The following DMD variants were observed in gnomAD, a reference collection of about 807,000 sequenced individuals.
The protein encoded by DMD is dystrophin.
A neutral mutation model predicts 330.1 loss-of-function variants in DMD; 63 were observed. The ratio of observed to expected loss-of-function variants is 0.19; its 90% CI spans 0.16 to 0.24. The LOEUF is 0.24. DMD is among the 10% of genes least tolerant of loss of function. DMD has a pLI of 1.00. For synonymous variants in DMD, 1,223 were observed against 959.8 expected (o/e 1.27, Z -5.07); for missense variants, 3,344 against 2,684.1 (o/e 1.25, Z -5.43).
chrX:31,497,121 G>A (rs1279813435), intron 56 of DMD, among the ~76,000 whole-genome samples, 177 bp from the exon 57 acceptor site: 2 of 112,483 alleles, frequency 1.8e-5, no homozygotes, highest in Non-Finnish European at 3.8e-5. Flanking sequence ...TGGCAATTTT[G>A]AGAAAAGGCA....
At chrX:33,033,329 CTCAGTGTACA>C (rs1229844625) in intron 1 of DMD, among the ~76,000 whole-genome samples, 3 of 108,940 alleles carry the variant, frequency 2.8e-5, no homozygotes, top group Admixed American at 2.0e-4. Context: ...GAACACGTCC[CTCAGTGTACA>C]TTGCCAATAG....
At chrX:32,012,701 G>A (rs1461423106) in intron 44 of DMD, among the ~76,000 whole-genome samples, 1 of 111,422 alleles carries the variant, frequency 9.0e-6, no homozygotes, top group Non-Finnish European at 1.9e-5. Context: ...CCCTTTTACT[G>A]GGATAGGACA....
chrX:32,645,663 GA>G (rs993990901), intron 9 of DMD, among the ~76,000 whole-genome samples: 10 of 110,777 alleles, frequency 9.0e-5, no homozygotes, highest in African/African-American at 2.3e-4. Flanking sequence ...AATTTAGAAA[GA>G]AAAAAAATAC....
At position 32,485,734 on chromosome X, in the gene DMD, CTTTT is replaced by C. The variant is rs5902034; in HGVS notation, c.2623-639_2623-636del. ...CTCCTGACCAAACAGGCAACCACTG[CTTTT>C]TTTTTTTTTTTTTTTTTTTTTTGGG... On this transcript the variant is annotated intron_variant, in intron 20 of 78. Coordinates refer to ENST00000357033, the MANE Select transcript of DMD (RefSeq NM_004006.3). Among the ~76,000 whole-genome samples, 35 of 36,155 alleles carry C rather than the reference CTTTT, an allele frequency of 9.7e-4. No homozygotes were observed. The East Asian group carries it at 0.019, about 20-fold the overall frequency. 31.4% of individuals were successfully genotyped at this position (36,155 alleles called of 115,157 possible). A position where few individuals can be genotyped will look rare whatever the true frequency, so the allele number is the denominator to read the frequency against.
At position 31,594,506 on chromosome X, in the gene DMD, T is replaced by C. The variant is rs1167436842; in HGVS notation, c.8217+33167A>G. ...TTGTTTGAATGCTTAAGATGCTTAA[T>C]GTGTTTTGTAATACAGTATACTAAA... On this transcript the variant is annotated intron_variant, in intron 55 of 78. Coordinates refer to ENST00000357033, the MANE Select transcript of DMD (RefSeq NM_004006.3). 2.7e-5 allele frequency among the ~76,000 whole-genome samples: 3 copies of C among 111,701 alleles called. 1 individual carries two copies. Among genetic ancestry groups the C allele is most frequent in the African/African-American group, 9.7e-5 (3 of 30,850 alleles).
At chrX:32,915,404 TTG>T (rs2087704611) in intron 2 of DMD, among the ~76,000 whole-genome samples, 1 of 112,338 alleles carries the variant, frequency 8.9e-6, no homozygotes, top group Admixed American at 9.5e-5. Flanking sequence ...CGCTTACATT[TTG>T]TGATTCAGAC....
chrX:32,615,034 C>CAT (rs2057454370), intron 11 of DMD, among the ~76,000 whole-genome samples: 1 of 110,938 alleles, frequency 9.0e-6, no homozygotes, highest in Non-Finnish European at 1.9e-5. Context: ...CATTAGAGAC[C>CAT]ATATAGGAGT....
intron 55 of DMD, among the ~76,000 whole-genome samples, chrX:31,569,652 A>ATATATATG (rs1556698909): frequency 2.1e-5 from 2 of 93,207 alleles, no homozygotes; most frequent in Non-Finnish European, 4.2e-5. Flanking sequence ...GTATATACGT[A>ATATATATG]TATATACGTA....
Position 33,121,355 on chromosome X carries a change from C to T in DMD, c.31+89927G>A, listed in dbSNP as rs754900823. On this transcript the variant is annotated intron_variant, in intron 1 of 78. Transcript: ENST00000357033. Reference sequence around the variant, plus strand: ...AAGTGATTCTCCTGCCTCAGCCTCCCTAGTAGCTGGGACTACAGGCGCATG... The same window carrying T: ...AAGTGATTCTCCTGCCTCAGCCTCCTTAGTAGCTGGGACTACAGGCGCATG... Among the ~76,000 whole-genome samples the T allele has an allele frequency of 1.1e-4, 12 of 109,918 alleles. No homozygotes were observed. In the South Asian group the frequency reaches 4.4e-3, roughly 40 times the overall value.
At chrX:31,340,833 A>T (rs192159857) in intron 61 of DMD, among the ~76,000 whole-genome samples, 231 of 112,204 alleles carry the variant, frequency 2.1e-3, no homozygotes, top group African/African-American at 7.1e-3. Flanking sequence ...CTGAACATCT[A>T]CCAAGTACCA....
intron 4 of DMD, among the ~76,000 whole-genome samples, chrX:32,829,912 T>TA (rs774156755): frequency 8.9e-6 from 1 of 111,995 alleles, no homozygotes; most frequent in South Asian, 3.7e-4. Context: ...CAAAAAGCTT[T>TA]AAGAGGCTCT....
chrX:32,746,142 A>G (rs1464426544), intron 7 of DMD, among the ~76,000 whole-genome samples: 1 of 111,812 alleles, frequency 8.9e-6, no homozygotes, highest in Non-Finnish European at 1.9e-5. Context: ...TTCTCTGGGT[A>G]ATGGAGTAAA....
At chrX:32,174,556 T>A (rs1319653864) in intron 44 of DMD, among the ~76,000 whole-genome samples, 1 of 112,284 alleles carries the variant, frequency 8.9e-6, no homozygotes, top group Non-Finnish European at 1.9e-5. Context: ...AGTTGAATAG[T>A]TGCAACAGAG....
At chrX:31,168,988 C>A (rs1318526621) in intron 74 of DMD, among the ~76,000 whole-genome samples, 1 of 111,689 alleles carries the variant, frequency 9.0e-6, no homozygotes, top group Admixed American at 9.5e-5. Flanking sequence ...ATAATTTCTG[C>A]ATTTGATGAT....
intron 33 of DMD, among the ~76,000 whole-genome samples, chrX:32,381,920 G>A (rs980282578): frequency 2.7e-5 from 3 of 110,650 alleles, no homozygotes; most frequent in African/African-American, 6.5e-5. Context: ...GTGGACTCTC[G>A]ACTTGAGTAT....
intron 55 of DMD, among the ~76,000 whole-genome samples, chrX:31,530,376 T>A (rs760184317): frequency 1.0e-3 from 115 of 111,957 alleles, no homozygotes; most frequent in African/African-American, 3.5e-3. Context: ...GAGAAGACAC[T>A]GGAAGGGGAA....
At chrX:32,786,279 A>G (rs112449312) in intron 7 of DMD, among the ~76,000 whole-genome samples, 6,409 of 110,168 alleles carry the variant, frequency 0.058, 196 homozygotes, top group Middle Eastern at 0.099. Flanking sequence ...TTTAATCCAC[A>G]TATGACTCAA....
At chrX:32,718,259 G>GA (rs966019620) in intron 7 of DMD, among the ~76,000 whole-genome samples, 1 of 111,171 alleles carries the variant, frequency 9.0e-6, no homozygotes. Flanking sequence ...GGAGGTGACT[G>GA]AATCATAGGG....
chrX:32,628,004 A>C (rs778281335), intron 11 of DMD, among the ~76,000 whole-genome samples: 11 of 110,390 alleles, frequency 1.0e-4, no homozygotes, highest in Admixed American at 6.8e-4. Context: ...TTAATAGGGT[A>C]TCCATCACCT....
Sources: allele counts gnomAD v4.1 joint callset (sites outside exome capture counted in the v4.1 genomes callset), GRCh38; gene constraint gnomAD v4.1.1; transcripts MANE v1.5; gene names NCBI Gene and HGNC (gene_info 2026-07-23, HGNC 2026-07-21).